Variants in NLRP2 observed in about 807,000 individuals in gnomAD.
The protein encoded by NLRP2 is NLR family pyrin domain containing 2.
In NLRP2, 107 loss-of-function variants were observed where a neutral mutation model predicts 97.2. The ratio of observed to expected loss-of-function variants is 1.10; its 90% CI spans 0.94 to 1.29. The LOEUF (loss-of-function observed/expected upper bound fraction) is 1.29. NLRP2 is among the 50% of genes most tolerant of loss of function. The pLI, the probability that NLRP2 is intolerant of heterozygous loss-of-function variation, is 0.00. For missense variants in NLRP2, 1,495 were observed against 1,330.3 expected, an observed-to-expected ratio of 1.12 and a Z score of -1.93; for synonymous variants, 663 against 551.5, an observed-to-expected ratio of 1.20 and a Z score of -2.83.
chr19:54,980,939 A>G (rs971788570), intron 4 of NLRP2, among the ~76,000 whole-genome samples: 1 of 152,266 alleles, frequency 6.6e-6, no homozygotes, highest in East Asian at 1.9e-4. Flanking sequence ...GCGAAACCCC[A>G]TCTCTACTAA....
At chr19:54,966,777 C>T (rs1167048401) in intron 1 of NLRP2, among the ~76,000 whole-genome samples, 3 of 149,522 alleles carry the variant, frequency 2.0e-5, no homozygotes, top group Admixed American at 6.7e-5. Context: ...CAGTCCGCCT[C>T]GGCCTCCCAA....
At chr19:54,975,279 C>G (rs555585909) in intron 3 of NLRP2, among the ~76,000 whole-genome samples, 1 of 148,202 alleles carries the variant, frequency 6.7e-6, no homozygotes, top group Admixed American at 6.8e-5. Flanking sequence ...TGCCACCATG[C>G]CTGGCTAATT....
At chr19:54,988,628 A>G (rs1035243429) in intron 8 of NLRP2, among the ~76,000 whole-genome samples, 13 of 151,836 alleles carry the variant, frequency 8.6e-5, no homozygotes, top group African/African-American at 2.9e-4. Context: ...CCTGACCTCA[A>G]GTGACATCCA....
intron 12 of NLRP2, among the ~76,000 whole-genome samples, chr19:54,999,411 T>C (rs1163926826): frequency 6.6e-6 from 1 of 152,152 alleles, no homozygotes; most frequent in Non-Finnish European, 1.5e-5. Flanking sequence ...CCTCCCAAAG[T>C]GCTAAGATTA....
Position 54,977,789 on chromosome 19 carries a change from C to G in NLRP2, c.363C>G (p.Asp121Glu), listed in dbSNP as rs766281650. The G allele has an allele frequency of 3.1e-6, 5 of 1,613,686 alleles. No individual in the cohort carries two copies. In the Admixed American group the frequency reaches 5.0e-5, roughly 16 times the overall value. ...AAGAACGACCACCTCTAGACGTGGA[C>G]GAAATGCTGGAGCGCTTCAAAACAG... ...TRKERPPLDV[D>E]EMLERFKTEA... is the part of the protein sequence containing the mutation. The change falls in exon 4 of 13, where the codon GAC (aspartate) becomes GAG (glutamate). Residue 121 changes from aspartate to glutamate, a missense_variant. Physicochemically the swap from Asp to Glu is conservative, Grantham distance 45. Transcript: ENST00000448584.
At chr19:54,972,753 C>G (rs1202757363) in intron 2 of NLRP2, among the ~76,000 whole-genome samples, 2 of 152,122 alleles carry the variant, frequency 1.3e-5, no homozygotes, top group Admixed American at 1.3e-4. Context: ...GCCACAGTGC[C>G]TGGCCAGTGC....
chr19:54,984,628 A>T (rs1264047634), intron 6 of NLRP2, among the ~76,000 whole-genome samples: 1 of 150,276 alleles, frequency 6.7e-6, no homozygotes, highest in African/African-American at 2.5e-5. Context: ...GATTACAGCC[A>T]CCCACGACCA....
chr19:54,985,976 TG>T (rs2072046869), intron 7 of NLRP2, among the ~76,000 whole-genome samples, 174 bp from the exon 8 acceptor site: 1 of 151,872 alleles, frequency 6.6e-6, no homozygotes, highest in South Asian at 2.1e-4. Context: ...CACTCCAGCC[TG>T]GGCAACAGAG....
rs781391943 is a variant in NLRP2 at position 54,982,936 on chromosome 19, A to G, written c.1238A>G (p.Glu413Gly). ...TGCACGACTCTGAAGCTGCAGATGG[A>G]GAAGGGGGAGGACCCGGTCCCCACC... Reference protein sequence around the residue: ...IVCTTLKLQMEKGEDPVPTCL... With the variant: ...IVCTTLKLQMGKGEDPVPTCL... Residue 413 changes from glutamate (E) to glycine (G), a missense_variant, in exon 6 of 13, where the codon GAG (glutamate) becomes GGG (glycine). Transcript: ENST00000448584. 2.5e-6 allele frequency: 4 copies of G among 1,612,590 alleles called. No homozygotes were observed. Among genetic ancestry groups the G allele is most frequent in the Non-Finnish European group, 3.4e-6 (4 of 1,179,994 alleles).
Position 54,990,583 on chromosome 19 carries a change from G to A in NLRP2, c.2619G>A (p.Leu873=), listed in dbSNP as rs1045961127. Residue 873 remains leucine (L), a synonymous_variant, in exon 10 of 13, where the codon CTG becomes CTA. Transcript: ENST00000448584. Reference sequence around the variant, plus strand: ...TTGTCAGCCGGGAGCTGACACACCTGTGCTTGGCCAAGAACCCCATTGGGA... The same window carrying A: ...TTGTCAGCCGGGAGCTGACACACCTATGCTTGGCCAAGAACCCCATTGGGA... ...VLVVSRELTH[L]CLAKNPIGNT... The A allele has an allele frequency of 1.9e-6, 3 of 1,614,072 alleles. No homozygotes were observed. Among genetic ancestry groups the A allele is most frequent in the Non-Finnish European group, 2.5e-6 (3 of 1,180,046 alleles).
chr19:54,984,500 T>TTTTTTTTTTTTA (rs764786892), intron 6 of NLRP2, among the ~76,000 whole-genome samples: 11 of 132,844 alleles, frequency 8.3e-5, no homozygotes, highest in Non-Finnish European at 1.6e-4. Context: ...TTTTTTTTTT[T>TTTTTTTTTTTTA]GAGACGGAGT....
At position 54,986,175 on chromosome 19, in the gene NLRP2, T is replaced by TG. The variant is rs771002961; in HGVS notation, c.2227dup (p.Ala743GlyfsTer24). 1.2e-6 allele frequency: 2 copies of TG among 1,612,766 alleles called. No homozygotes were observed. Among genetic ancestry groups the TG allele is most frequent in the Non-Finnish European group, 1.7e-6 (2 of 1,178,742 alleles). On this transcript the variant is annotated frameshift_variant, in exon 8 of 13. Transcript: ENST00000448584. LOFTEE classifies it high-confidence loss of function. ...GGTTCAAAAACATTTCCCCAGCTGA[T>TG]GCTCATCGGAACCTCTGCCTAGCTC... is the stretch of plus-strand genomic sequence containing the variant.
In NLRP2 at chr19:54,985,120, A is replaced by G. The variant is rs757795437; in HGVS notation, c.2104A>G (p.Met702Val). 1 of 1,614,090 alleles carries G rather than the reference A, an allele frequency of 6.2e-7. No homozygotes were observed. Among genetic ancestry groups the G allele is most frequent in the Admixed American group, 1.7e-5 (1 of 59,994 alleles). Reference protein sequence around the residue: ...CSIFGSNKDLMGLAINDSFLS... With the variant: ...CSIFGSNKDLVGLAINDSFLS... The stretch of plus-strand genomic sequence containing the variant: ...CATATTTGGATCAAATAAGGATCTG[A>G]TGGGTCTAGCAATCAATGATAGCTT... The change falls in exon 7 of 13, where the codon ATG becomes GTG. Residue 702 changes from methionine (M) to valine (V), a missense_variant. Met to Val is a conservative substitution (Grantham distance 21). Coordinates refer to ENST00000448584, the MANE Select transcript of NLRP2 (RefSeq NM_017852.5).
chr19:54,979,019 CTG>C (rs2071415056), intron 4 of NLRP2, among the ~76,000 whole-genome samples: 1 of 151,714 alleles, frequency 6.6e-6, no homozygotes, highest in African/African-American at 2.4e-5. Context: ...GAGTCTCACT[CTG>C]TCATGCAGGC....
intron 12 of NLRP2, among the ~76,000 whole-genome samples, chr19:54,998,631 C>CTTTTTTTTTTTTTTTT (rs1179005483): frequency 5.1e-4 from 31 of 61,124 alleles, no homozygotes; most frequent in South Asian, 1.4e-3. Context: ...TTTTTTTTTC[C>CTTTTTTTTTTTTTTTT]TTTTTTTTTT....
At chr19:54,992,541 G>C (rs1195357533) in intron 10 of NLRP2, among the ~76,000 whole-genome samples, 8 of 7,140 alleles carry the variant, frequency 1.1e-3, no homozygotes, top group Admixed American at 4.2e-3. Context: ...ATTTTTTTGG[G>C]GGGGGGGGGG....
In NLRP2 at chr19:54,985,197, C is replaced by T; in HGVS notation, c.2181C>T (p.Thr727=). The change falls in exon 7 of 13, where the codon ACC becomes ACT. Residue 727 remains threonine, a synonymous_variant. Transcript: ENST00000448584. Reference sequence around the variant, plus strand: ...TGTGTGAACAAATAGCCTCTGACACCTGTCATCTCCAGAGAGTGGTGTAAG... The same window carrying T: ...TGTGTGAACAAATAGCCTCTGACACTTGTCATCTCCAGAGAGTGGTGTAAG... ...RILCEQIASD[T]CHLQRVVFKN... is the part of the protein sequence containing the mutation. 2 of 1,614,040 alleles carry T rather than the reference C, an allele frequency of 1.2e-6. No homozygotes were observed. Among genetic ancestry groups the T allele is most frequent in the African/African-American group, 1.3e-5 (1 of 75,048 alleles).
intron 2 of NLRP2, 164 bp from the exon 3 acceptor site, chr19:54,974,336 G>T: frequency 1.4e-6 from 1 of 692,628 alleles, no homozygotes; most frequent in South Asian, 1.6e-5. Context: ...GCAACAGAGT[G>T]ACACTCTGTC....
chr19:54,970,180 G>A lies in NLRP2; in HGVS notation c.165G>A (p.Leu55=), dbSNP rs780287120. The change falls in exon 2 of 13, where the codon CTG becomes CTA. Residue 55 remains leucine, a synonymous_variant. Transcript: ENST00000448584. The part of the protein sequence containing the change: ...KEVDKADGKQ[L]VEILTTHCDS... ...TAGACAAGGCTGATGGGAAGCAACT[G>A]GTAGAAATCCTCACCACCCATTGTG... 2 of 1,614,088 alleles carry A rather than the reference G, an allele frequency of 1.2e-6. No individual in the cohort carries two copies. Among genetic ancestry groups the A allele is most frequent in the South Asian group, 2.2e-5 (2 of 91,078 alleles).
Sources: gnomAD v4.1 joint callset for allele counts (sites outside exome capture counted in the v4.1 genomes callset) on GRCh38, gnomAD v4.1.1 for gene constraint, MANE v1.5 for transcripts, NCBI Gene and HGNC (gene_info 2026-07-23, HGNC 2026-07-21) for gene names.